The following UGGT2 variants were observed in gnomAD, a reference collection of about 807,000 sequenced individuals.
UGGT2 encodes the protein UDP-glucose:glycoprotein glucosyltransferase 2.
A neutral mutation model predicts 192.1 loss-of-function variants in UGGT2; 180 were observed. That is an observed-to-expected ratio of 0.94 (90% CI 0.83 to 1.06). UGGT2 has a LOEUF of 1.06. Among genes scored for constraint, UGGT2 ranks in the 50% least tolerant of loss-of-function variants. UGGT2 has a pLI of 0.00. For synonymous variants in UGGT2, 580 were observed against 591.0 expected, an observed-to-expected ratio of 0.98 and a Z score of 0.27; for missense variants, 1,849 against 1,795.7, an observed-to-expected ratio of 1.03 and a Z score of -0.54.
chr13:96,037,903 G>T (rs760117468), intron 1 of UGGT2, among the ~76,000 whole-genome samples: 1 of 152,214 alleles, frequency 6.6e-6, no homozygotes, highest in Non-Finnish European at 1.5e-5. Context: ...AGTGGTTGAA[G>T]AAACTACAGG....
chr13:95,839,546 G>C (rs1887643743), intron 36 of UGGT2, among the ~76,000 whole-genome samples: 1 of 152,056 alleles, frequency 6.6e-6, no homozygotes, highest in African/African-American at 2.4e-5. Context: ...TCAACTGATG[G>C]GCATTTGGGT....
Position 95,877,378 on chromosome 13 carries a change from A to G in UGGT2, c.3388-14T>C, listed in dbSNP as rs747392257. 12 of 1,588,412 alleles carry G rather than the reference A, an allele frequency of 7.6e-6. No individual in the cohort carries two copies. The highest frequency in any genetic ancestry group is 1.7e-4 in the Middle Eastern group (1 of 5,974). On this transcript the variant is annotated splice_polypyrimidine_tract_variant and intron_variant, in intron 28 of 38. Transcript: ENST00000376747. The stretch of plus-strand genomic sequence containing the variant: ...TTGAAAATACCCCTTTTAAGATGAG[A>G]AAAAAATAATCATTGAGTAATATGA...
At chr13:95,868,931 A>G (rs1890940964) in intron 29 of UGGT2, among the ~76,000 whole-genome samples, 1 of 151,894 alleles carries the variant, frequency 6.6e-6, no homozygotes, top group African/African-American at 2.4e-5. Context: ...CATGTGCACA[A>G]TGTGCAGGTT....
chr13:95,895,126 T>G (rs2047909902), intron 23 of UGGT2, 54 bp downstream of exon 23: 3 of 1,513,736 alleles, frequency 2.0e-6, no homozygotes, highest in South Asian at 1.3e-5. Context: ...TTAAAAACAT[T>G]AGACTCAAAA....
chr13:95,817,255 G>T (rs1201040699), intron 38 of UGGT2, among the ~76,000 whole-genome samples: 2 of 151,992 alleles, frequency 1.3e-5, no homozygotes, highest in African/African-American at 4.8e-5. Context: ...TAAGTATAAG[G>T]GTAACAACTC....
Position 96,010,331 on chromosome 13 carries a change from T to C in UGGT2, c.660+2976A>G, listed in dbSNP as rs118107859. 8.1e-3 allele frequency among the ~76,000 whole-genome samples: 1,231 copies of C among 152,296 alleles called. 19 individuals are homozygous for C. The highest frequency in any genetic ancestry group is 6.9e-3 in the Non-Finnish European group (469 of 68,020). On this transcript the variant is annotated intron_variant, in intron 5 of 38. Transcript: ENST00000376747. ...CATGCCGGGCTTAATTCCTAGGTGATAGGTTGATAGGTGCAGCAAACCACC... is the reference window on the plus strand; with the variant it reads ...CATGCCGGGCTTAATTCCTAGGTGACAGGTTGATAGGTGCAGCAAACCACC...
intron 26 of UGGT2, among the ~76,000 whole-genome samples, chr13:95,885,974 A>G: frequency 6.6e-6 from 1 of 152,148 alleles, no homozygotes; most frequent in Non-Finnish European, 1.5e-5. Flanking sequence ...GAGGAGAGAA[A>G]GTTAAGGGAG....
At chr13:95,931,716 C>A (rs376560310) in intron 17 of UGGT2, among the ~76,000 whole-genome samples, 1 of 152,118 alleles carries the variant, frequency 6.6e-6, no homozygotes, top group Non-Finnish European at 1.5e-5. Context: ...GGGCCGGCAG[C>A]GCCCGCCGGC....
At chr13:95,967,104 G>C (rs1014188498) in intron 12 of UGGT2, among the ~76,000 whole-genome samples, 1 of 151,100 alleles carries the variant, frequency 6.6e-6, no homozygotes, top group Non-Finnish European at 1.5e-5. Context: ...GTTTCCAGGA[G>C]AGAAATTACT....
At chr13:95,848,894 G>A (rs1280680482) in intron 36 of UGGT2, among the ~76,000 whole-genome samples, 2 of 152,128 alleles carry the variant, frequency 1.3e-5, no homozygotes, top group African/African-American at 4.8e-5. Context: ...GAGCAATTTA[G>A]TCTTCCTATC....
chr13:95,995,235 CAAG>C (rs2051580992), intron 7 of UGGT2: 1 of 152,010 alleles, frequency 6.6e-6, no homozygotes, highest in South Asian at 2.1e-4. Flanking sequence ...GCAATTTACT[CAAG>C]AAGAAATTCC....
At chr13:96,044,111 T>C (rs1278772158) in intron 1 of UGGT2, among the ~76,000 whole-genome samples, 1 of 152,184 alleles carries the variant, frequency 6.6e-6, no homozygotes, top group Admixed American at 6.5e-5. Context: ...AGACCACTGA[T>C]AGGCCACAAA....
intron 1 of UGGT2, among the ~76,000 whole-genome samples, chr13:96,039,533 C>T (rs1265722871): frequency 6.6e-6 from 1 of 152,174 alleles, no homozygotes; most frequent in Non-Finnish European, 1.5e-5. Context: ...CTCTCCAGAG[C>T]ACACATTCCC....
chr13:95,903,158 G>T, intron 20 of UGGT2, 98 bp from the exon 21 acceptor site: 1 of 1,178,034 alleles, frequency 8.5e-7, no homozygotes, highest in Non-Finnish European at 1.2e-6. Context: ...ACTGTATCAT[G>T]CACCATCTTT....
chr13:95,836,054 TG>T (rs200985754), intron 37 of UGGT2, among the ~76,000 whole-genome samples: 2,467 of 152,190 alleles, frequency 0.016, 61 homozygotes, highest in African/African-American at 0.057. Context: ...TTTTTTTGTT[TG>T]TTTGTTTTTT....
At chr13:95,939,096 C>T (rs1264971300) in intron 16 of UGGT2, among the ~76,000 whole-genome samples, 1 of 152,122 alleles carries the variant, frequency 6.6e-6, no homozygotes, top group African/African-American at 2.4e-5. Flanking sequence ...ATATTCAGAC[C>T]CCTTGCTTGC....
intron 38 of UGGT2, among the ~76,000 whole-genome samples, chr13:95,829,576 A>G (rs981740013): frequency 6.6e-6 from 1 of 151,198 alleles, no homozygotes; most frequent in East Asian, 1.9e-4. Flanking sequence ...CAGAATTGCT[A>G]CAAAGAGAAT....
At chr13:96,028,058 C>T (rs1454326271) in intron 2 of UGGT2, among the ~76,000 whole-genome samples, 1 of 152,214 alleles carries the variant, frequency 6.6e-6, no homozygotes, top group Non-Finnish European at 1.5e-5. Context: ...TCTCAGGGTT[C>T]TGCCACTGGG....
rs35251082 is a variant in UGGT2 at position 95,915,629 on chromosome 13, C to T, written c.2295+10051G>A. Among the ~76,000 whole-genome samples the T allele has an allele frequency of 6.7e-3, 1,019 of 152,338 alleles. 5 individuals are homozygous for T. The highest frequency in any genetic ancestry group is 0.01 in the Non-Finnish European group (708 of 68,036). On this transcript the variant is annotated intron_variant, in intron 20 of 38. Transcript: ENST00000376747. Reference sequence around the variant, plus strand: ...AGTCAGGGTTATAAGGACAGAGCTCCGATCTCTCCCTGGGACAGGGCTTCC... The same window carrying T: ...AGTCAGGGTTATAAGGACAGAGCTCTGATCTCTCCCTGGGACAGGGCTTCC...
Sources: gnomAD v4.1 joint callset for allele counts (sites outside exome capture counted in the v4.1 genomes callset) on GRCh38, gnomAD v4.1.1 for gene constraint, MANE v1.5 for transcripts, NCBI Gene and HGNC (gene_info 2026-07-23, HGNC 2026-07-21) for gene names.